The following UST variants were observed in gnomAD, a reference collection of about 807,000 sequenced individuals.
UST encodes the protein uronyl 2-sulfotransferase.
A neutral mutation model predicts 45.6 loss-of-function variants in UST; 21 were observed. That is an observed-to-expected ratio of 0.46 (90% CI 0.33 to 0.66). The LOEUF is 0.66. Among genes scored for constraint, UST ranks in the 30% least tolerant of loss-of-function variants. The pLI, the probability that UST is intolerant of heterozygous loss-of-function variation, is 0.02. For missense variants in UST, 463 were observed against 512.4 expected, an observed-to-expected ratio of 0.90 and a Z score of 0.93; for synonymous variants, 215 against 200.6, an observed-to-expected ratio of 1.07 and a Z score of -0.61.
chr6:148,904,063 C>G (rs192238834), intron 2 of UST, among the ~76,000 whole-genome samples: 1 of 152,318 alleles, frequency 6.6e-6, no homozygotes, highest in East Asian at 1.9e-4. Context: ...TCAGAAGGGA[C>G]ATTGACTCTG....
intron 7 of UST, among the ~76,000 whole-genome samples, chr6:149,036,844 A>G (rs552450322): frequency 6.6e-6 from 1 of 152,340 alleles, no homozygotes; most frequent in East Asian, 1.9e-4. Flanking sequence ...TCCACACTTA[A>G]TACTATGATT....
intron 1 of UST, among the ~76,000 whole-genome samples, chr6:148,774,758 C>T (rs1378841898): frequency 1.3e-5 from 2 of 152,322 alleles, no homozygotes; most frequent in African/African-American, 4.8e-5. Flanking sequence ...GTGGCTCACG[C>T]CTGTAATCCT....
chr6:148,802,897 A>G (rs1467585554), intron 1 of UST, among the ~76,000 whole-genome samples: 1 of 152,196 alleles, frequency 6.6e-6, no homozygotes, highest in Non-Finnish European at 1.5e-5. Context: ...TTTTGATTCA[A>G]TATCTCTGAG....
chr6:148,865,630 G>T (rs1473204712), intron 1 of UST, among the ~76,000 whole-genome samples: 1 of 151,140 alleles, frequency 6.6e-6, no homozygotes, highest in Non-Finnish European at 1.5e-5. Context: ...TTAGCATCCA[G>T]GTCCGGCATT....
chr6:148,975,670 G>C lies in UST; in HGVS notation c.681+11107G>C, dbSNP rs149120334. Among the ~76,000 whole-genome samples the C allele has an allele frequency of 1.9e-4, 29 of 152,130 alleles. No individual in the cohort carries two copies. In the East Asian group the frequency reaches 5.6e-3, roughly 29 times the overall value. ...TTACAGTTATCTCAATAAAATTTCA[G>C]TTAGAAAAAAAGCATCATGCACCAA... On this transcript the variant is annotated intron_variant, in intron 5 of 7. Coordinates refer to ENST00000367463, the MANE Select transcript of UST (RefSeq NM_005715.3).
At chr6:148,774,339 T>C (rs1476656216) in intron 1 of UST, among the ~76,000 whole-genome samples, 1 of 150,996 alleles carries the variant, frequency 6.6e-6, no homozygotes, top group East Asian at 1.9e-4. Context: ...TGAAATTTAC[T>C]TATAGACAAG....
chr6:148,824,905 C>T (rs1777540669), intron 1 of UST, among the ~76,000 whole-genome samples: 2 of 142,044 alleles, frequency 1.4e-5, no homozygotes, highest in East Asian at 2.0e-4. Flanking sequence ...GTTCAATTCC[C>T]ACCTATGAGT....
chr6:148,854,522 A>C (rs1778165220), intron 1 of UST, among the ~76,000 whole-genome samples: 1 of 152,226 alleles, frequency 6.6e-6, no homozygotes, highest in African/African-American at 2.4e-5. Flanking sequence ...CTACAGAAAC[A>C]CAGTCCTAGT....
At chr6:149,057,099 C>T (rs1223692698) in intron 7 of UST, among the ~76,000 whole-genome samples, 1 of 152,188 alleles carries the variant, frequency 6.6e-6, no homozygotes, top group African/African-American at 2.4e-5. Flanking sequence ...AGGATACATT[C>T]TGTTAAAGAA....
At chr6:148,935,129 G>A (rs534107547) in intron 2 of UST, among the ~76,000 whole-genome samples, 9 of 152,098 alleles carry the variant, frequency 5.9e-5, no homozygotes, top group Non-Finnish European at 8.8e-5. Context: ...GGTTCCTGTC[G>A]TGCTCAGGAT....
intron 1 of UST, among the ~76,000 whole-genome samples, chr6:148,870,742 C>G (rs769935078): frequency 2.0e-5 from 3 of 152,196 alleles, no homozygotes. Flanking sequence ...TGGGGCCCAG[C>G]ACAGGCTGCC....
chr6:149,044,730 G>A (rs971156171), intron 7 of UST, among the ~76,000 whole-genome samples: 1 of 152,144 alleles, frequency 6.6e-6, no homozygotes, highest in Non-Finnish European at 1.5e-5. Context: ...CAGCTGAAAG[G>A]CAGTAACCCA....
chr6:148,747,610 G>A lies in UST; in HGVS notation c.180G>A (p.Leu60=), dbSNP rs755636856. ...TGGCCACCCTGCTGGTCTTCTGCCT[G>A]GGCTCCCTCCTCTATCAGCTCAGCG... The part of the protein sequence containing the change: ...FCMATLLVFC[L]GSLLYQLSGG... The change falls in exon 1 of 8, where the codon CTG becomes CTA. Residue 60 remains leucine (L), a synonymous_variant. Transcript: ENST00000367463. 1.1e-5 allele frequency: 17 copies of A among 1,602,248 alleles called. No homozygotes were observed. The East Asian group carries it at 3.6e-4, about 34-fold the overall frequency.
At chr6:148,911,164 A>G (rs1779467131) in intron 2 of UST, among the ~76,000 whole-genome samples, 1 of 152,090 alleles carries the variant, frequency 6.6e-6, no homozygotes, top group Non-Finnish European at 1.5e-5. Context: ...AGTTCCAGAA[A>G]TGTTCTTATC....
chr6:148,845,525 G>C (rs1777970596), intron 1 of UST, among the ~76,000 whole-genome samples: 1 of 152,172 alleles, frequency 6.6e-6, no homozygotes, highest in Non-Finnish European at 1.5e-5. Context: ...GCATTTGGAT[G>C]GTTTCCAGTT....
intron 5 of UST, among the ~76,000 whole-genome samples, chr6:148,976,191 C>A (rs1170511820): frequency 6.6e-6 from 1 of 152,152 alleles, no homozygotes; most frequent in Non-Finnish European, 1.5e-5. Flanking sequence ...CAATATGTCA[C>A]TTTTAAGGTA....
At position 148,891,089 on chromosome 6, in the gene UST, C is replaced by A. The variant is rs945019312; in HGVS notation, c.291+4060C>A. 2.6e-5 allele frequency among the ~76,000 whole-genome samples: 4 copies of A among 152,108 alleles called. No homozygotes were observed. In the East Asian group the frequency reaches 7.7e-4, roughly 29 times the overall value. On this transcript the variant is annotated intron_variant, in intron 2 of 7. Coordinates refer to ENST00000367463, the MANE Select transcript of UST (RefSeq NM_005715.3). ...TATACTTTAATGCATAATTTGAGTT[C>A]ATTAAAGTAACACCTGCTCAATCTA...
chr6:148,871,264 C>T (rs1392371377), intron 1 of UST, among the ~76,000 whole-genome samples: 2 of 152,086 alleles, frequency 1.3e-5, no homozygotes, highest in African/African-American at 4.8e-5. Flanking sequence ...GCAACCTGAA[C>T]TTAGACTTCC....
At chr6:148,800,944 T>G (rs975290814) in intron 1 of UST, among the ~76,000 whole-genome samples, 1 of 152,160 alleles carries the variant, frequency 6.6e-6, no homozygotes, top group Non-Finnish European at 1.5e-5. Context: ...AATTCTTCTA[T>G]TTTTAGGAAT....
Sources: allele counts gnomAD v4.1 joint callset (sites outside exome capture counted in the v4.1 genomes callset), GRCh38; gene constraint gnomAD v4.1.1; transcripts MANE v1.5; gene names NCBI Gene and HGNC (gene_info 2026-07-23, HGNC 2026-07-21).